Variants in ADARB2 observed in about 807,000 individuals in gnomAD.
ADARB2 encodes the protein inactive double-stranded RNA-specific editase B2.
A neutral mutation model predicts 62.2 loss-of-function variants in ADARB2; 25 were observed. The ratio of observed to expected loss-of-function variants is 0.40; its 90% CI spans 0.29 to 0.56. The LOEUF (loss-of-function observed/expected upper bound fraction) is 0.56. ADARB2 is among the 20% of genes least tolerant of loss of function. The pLI is 0.43. For missense variants in ADARB2, 1,071 were observed against 1,077.4 expected (o/e 0.99, Z 0.08); for synonymous variants, 572 against 500.8 (o/e 1.14, Z -1.90).
intron 5 of ADARB2, 133 bp downstream of exon 5, chr10:1,241,998 G>A (rs1830929088): frequency 1.0e-6 from 1 of 977,956 alleles, no homozygotes; most frequent in Non-Finnish European, 1.5e-6. Context: ...GAATAAAAAG[G>A]GATGCTTTCT....
intron 1 of ADARB2, among the ~76,000 whole-genome samples, chr10:1,656,268 C>T (rs1834171073): frequency 6.6e-6 from 1 of 152,214 alleles, no homozygotes; most frequent in African/African-American, 2.4e-5. Context: ...ACAATGTATG[C>T]TCATCTGGGG....
intron 1 of ADARB2, among the ~76,000 whole-genome samples, chr10:1,660,419 G>C (rs1834231313): frequency 6.6e-6 from 1 of 152,230 alleles, no homozygotes; most frequent in Non-Finnish European, 1.5e-5. Context: ...GTTTACAGAT[G>C]AGTGTGACTA....
chr10:1,554,217 C>T (rs1203290072), intron 1 of ADARB2, among the ~76,000 whole-genome samples: 1 of 152,208 alleles, frequency 6.6e-6, no homozygotes, highest in Non-Finnish European at 1.5e-5. Context: ...CTCAGCTACT[C>T]AGCTCTCCAG....
rs1053921655 is a variant in ADARB2, at chr10:1,278,543, C to T, written c.1078-7474G>A. 4.6e-5 allele frequency among the ~76,000 whole-genome samples: 7 copies of T among 151,160 alleles called. No individual in the cohort carries two copies. The East Asian group carries it at 5.9e-4, about 13-fold the overall frequency. ...TGGTATTTGGCTTTTTCTGTTAATTCGTTTAGGATGACGGCCTCCAGCTGC... is the reference window on the plus strand; with the variant it reads ...TGGTATTTGGCTTTTTCTGTTAATTTGTTTAGGATGACGGCCTCCAGCTGC... On this transcript the variant is annotated intron_variant, in intron 3 of 9. Transcript: ENST00000381312.
intron 1 of ADARB2, among the ~76,000 whole-genome samples, chr10:1,577,250 C>T (rs1038664066): frequency 3.6e-5 from 4 of 110,224 alleles, no homozygotes; most frequent in Admixed American, 8.8e-5. Flanking sequence ...AAAGCTGTCC[C>T]GGAAACTGCA....
chr10:1,187,225 C>A (rs1047416546), intron 8 of ADARB2, among the ~76,000 whole-genome samples: 22 of 152,278 alleles, frequency 1.4e-4, no homozygotes, highest in Admixed American at 5.9e-4. Context: ...GCCGCTGTGG[C>A]TGTCCTACTA....
chr10:1,574,730 A>G (rs1334588741), intron 1 of ADARB2, among the ~76,000 whole-genome samples: 1 of 146,326 alleles, frequency 6.8e-6, no homozygotes, highest in East Asian at 2.0e-4. Context: ...ATTTTATCTT[A>G]ATTATCTCTG....
At chr10:1,586,886 CAG>C (rs777863715) in intron 1 of ADARB2, among the ~76,000 whole-genome samples, 2 of 152,010 alleles carry the variant, frequency 1.3e-5, no homozygotes, top group Non-Finnish European at 2.9e-5. Flanking sequence ...AAACAATAAA[CAG>C]AAATGAAATA....
intron 5 of ADARB2, 119 bp from the exon 6 acceptor site, chr10:1,233,964 TCC>T (rs1830835442): frequency 1.0e-6 from 1 of 961,494 alleles, no homozygotes; most frequent in Admixed American, 5.2e-5. Context: ...TTTATATTTT[TCC>T]TTTTTTTTTT....
intron 1 of ADARB2, among the ~76,000 whole-genome samples, chr10:1,386,404 T>A (rs1032245573): frequency 6.6e-6 from 1 of 151,994 alleles, no homozygotes; most frequent in East Asian, 1.9e-4. Context: ...AAAACTTATA[T>A]TTTTTATTGC....
chr10:1,482,971 A>T (rs1189078507), intron 1 of ADARB2, among the ~76,000 whole-genome samples: 2 of 152,066 alleles, frequency 1.3e-5, no homozygotes, highest in Non-Finnish European at 2.9e-5. Context: ...TTGCCCATGT[A>T]TGTGTTCTAA....
At chr10:1,325,724 G>C (rs546785542) in intron 3 of ADARB2, among the ~76,000 whole-genome samples, 2 of 152,286 alleles carry the variant, frequency 1.3e-5, no homozygotes, top group South Asian at 2.1e-4. Context: ...TCTTGTACTA[G>C]AGACTCAAGC....
At position 1,634,348 on chromosome 10, in the gene ADARB2, G is replaced by C. The variant is rs375840640; in HGVS notation, c.100+102703C>G. On this transcript the variant is annotated intron_variant, in intron 1 of 9. Transcript: ENST00000381312. ...AAAACCACAGCGGTTGTTTTCCCAG[G>C]ACTCTCCAGGTGTCCAGCCTAGGCA... 2.6e-5 allele frequency among the ~76,000 whole-genome samples: 4 copies of C among 152,202 alleles called. No individual in the cohort carries two copies. In the East Asian group the frequency reaches 5.8e-4, roughly 22 times the overall value.
At chr10:1,277,010 G>A (rs1831324190) in intron 3 of ADARB2, among the ~76,000 whole-genome samples, 1 of 152,064 alleles carries the variant, frequency 6.6e-6, no homozygotes, top group South Asian at 2.1e-4. Flanking sequence ...ATGACTACTG[G>A]GTACATAATG....
At position 1,432,480 on chromosome 10, in the gene ADARB2, G is replaced by A. The variant is rs367659078; in HGVS notation, c.101-53320C>T. Among the ~76,000 whole-genome samples the A allele has an allele frequency of 1.1e-4, 17 of 151,372 alleles. 1 individual carries two copies. In the South Asian group the frequency reaches 2.5e-3, roughly 23 times the overall value. On this transcript the variant is annotated intron_variant, in intron 1 of 9. Transcript: ENST00000381312. Reference sequence around the variant, plus strand: ...CTTCCATTTCATGAAGTCTCAGCCCGTGACTGTGACCTTTACCTTTTTACT... The same window carrying A: ...CTTCCATTTCATGAAGTCTCAGCCCATGACTGTGACCTTTACCTTTTTACT...
intron 1 of ADARB2, among the ~76,000 whole-genome samples, chr10:1,501,285 C>T (rs1458322690): frequency 6.6e-6 from 1 of 152,152 alleles, no homozygotes; most frequent in Non-Finnish European, 1.5e-5. Flanking sequence ...AGTTTTGAGT[C>T]TCCTGGAATT....
At chr10:1,628,081 G>A (rs1203803674) in intron 1 of ADARB2, among the ~76,000 whole-genome samples, 2 of 152,266 alleles carry the variant, frequency 1.3e-5, no homozygotes, top group African/African-American at 4.8e-5. Flanking sequence ...CGCGTGGGTA[G>A]ATCAGAGGCA....
chr10:1,559,439 T>C (rs1588302710), intron 1 of ADARB2, among the ~76,000 whole-genome samples: 1 of 152,144 alleles, frequency 6.6e-6, no homozygotes, highest in Admixed American at 6.5e-5. Context: ...CAGAGGCTGG[T>C]CCACTGGGTG....
chr10:1,443,247 G>T (rs536056202), intron 1 of ADARB2, among the ~76,000 whole-genome samples: 1 of 152,262 alleles, frequency 6.6e-6, no homozygotes, highest in African/African-American at 2.4e-5. Flanking sequence ...CCTTAGGAGA[G>T]CTTTTGCCCC....
Sources: gnomAD v4.1 joint callset for allele counts (sites outside exome capture counted in the v4.1 genomes callset) on GRCh38, gnomAD v4.1.1 for gene constraint, MANE v1.5 for transcripts, NCBI Gene and HGNC (gene_info 2026-07-23, HGNC 2026-07-21) for gene names.